CPQ: variants seen among roughly 807,000 people sequenced by gnomAD.
CPQ encodes Ser-Met dipeptidase.
CPQ carries 37 observed loss-of-function variants against 45.7 expected under a neutral mutation model. That is an observed-to-expected ratio of 0.81 (90% confidence interval 0.62 to 1.07). CPQ has a LOEUF of 1.07. Ranked by LOEUF, CPQ falls within the 50% of genes least tolerant of loss-of-function variation. The pLI, the probability that CPQ is intolerant of heterozygous loss-of-function variation, is 0.00. For synonymous variants in CPQ, 186 were observed against 205.8 expected (o/e 0.90, Z 0.82); for missense variants, 537 against 572.9 (o/e 0.94, Z 0.64).
At chr8:96,682,920 G>C (rs1809170169) in intron 1 of CPQ, among the ~76,000 whole-genome samples, 1 of 152,076 alleles carries the variant, frequency 6.6e-6, no homozygotes, top group African/African-American at 2.4e-5. Context: ...TTTAAGTGAA[G>C]ACTTTAATCT....
Position 96,972,254 on chromosome 8 carries a change from C to A in CPQ, c.961+6208C>A, listed in dbSNP as rs1321955340. 5.9e-5 allele frequency among the ~76,000 whole-genome samples: 9 copies of A among 152,258 alleles called. No homozygotes were observed. The South Asian group carries it at 1.9e-3, about 32-fold the overall frequency. ...TGCCAGCTTTCCTCCACCTCCCTGG[C>A]AACTTGTATGACTCAGTAGAGACAG... On this transcript the variant is annotated intron_variant, in intron 5 of 7. Transcript: ENST00000220763.
chr8:97,123,803 A>C (rs1442549473), intron 7 of CPQ, among the ~76,000 whole-genome samples: 1 of 152,200 alleles, frequency 6.6e-6, no homozygotes, highest in Non-Finnish European at 1.5e-5. Context: ...GCTAGGTTAG[A>C]TATAAATGGA....
intron 1 of CPQ, among the ~76,000 whole-genome samples, chr8:96,712,552 C>A (rs558189507): frequency 6.6e-6 from 1 of 152,372 alleles, no homozygotes; most frequent in African/African-American, 2.4e-5. Flanking sequence ...GCAGGCCCAA[C>A]ACCACATGTA....
At chr8:97,106,145 G>T (rs1811400418) in intron 7 of CPQ, among the ~76,000 whole-genome samples, 1 of 152,184 alleles carries the variant, frequency 6.6e-6, no homozygotes, top group South Asian at 2.1e-4. Flanking sequence ...TGTGCAGGAT[G>T]GATTGTTTGT....
intron 2 of CPQ, among the ~76,000 whole-genome samples, chr8:96,833,161 A>C (rs980420694): frequency 6.6e-6 from 1 of 152,122 alleles, no homozygotes; most frequent in African/African-American, 2.4e-5. Context: ...TTTCAGAAAA[A>C]CAGATTAATT....
intron 4 of CPQ, among the ~76,000 whole-genome samples, chr8:96,940,750 G>A (rs1022114951): frequency 6.6e-6 from 1 of 152,186 alleles, no homozygotes; most frequent in Non-Finnish European, 1.5e-5. Context: ...TGTAGGAAGA[G>A]CTACATGGAG....
chr8:96,654,124 T>G (rs1205621143), intron 1 of CPQ, among the ~76,000 whole-genome samples: 2 of 152,190 alleles, frequency 1.3e-5, no homozygotes, highest in Non-Finnish European at 2.9e-5. Flanking sequence ...TACTTTTATA[T>G]CCTCCTCATC....
chr8:96,717,835 G>C (rs1310312025), intron 1 of CPQ, among the ~76,000 whole-genome samples: 1 of 152,142 alleles, frequency 6.6e-6, no homozygotes, highest in African/African-American at 2.4e-5. Context: ...CTAGCTGCTG[G>C]GGTAATGTTC....
At chr8:97,056,107 C>CAT (rs1264584453) in intron 6 of CPQ, among the ~76,000 whole-genome samples, 3 of 151,680 alleles carry the variant, frequency 2.0e-5, no homozygotes, top group African/African-American at 7.3e-5. Flanking sequence ...TCAAAACACA[C>CAT]ACACACACAC....
chr8:97,140,342 C>T (rs1812137894), intron 7 of CPQ, among the ~76,000 whole-genome samples: 1 of 150,154 alleles, frequency 6.7e-6, no homozygotes, highest in Non-Finnish European at 1.5e-5. Context: ...TAATTCTAAT[C>T]TTACACAAAC....
intron 3 of CPQ, among the ~76,000 whole-genome samples, chr8:96,865,041 A>C (rs748574382): frequency 5.3e-5 from 8 of 152,070 alleles, no homozygotes; most frequent in Admixed American, 1.3e-4. Context: ...ATGCTTAATA[A>C]ATTCTAAGTG....
chr8:96,839,436 C>G (rs1028047212), intron 3 of CPQ, among the ~76,000 whole-genome samples: 4 of 152,078 alleles, frequency 2.6e-5, no homozygotes, highest in Non-Finnish European at 1.5e-5. Context: ...GAGACCCCCC[C>G]ATTAGAGCTT....
At chr8:96,964,408 C>T (rs1813520352) in intron 4 of CPQ, among the ~76,000 whole-genome samples, 1 of 151,992 alleles carries the variant, frequency 6.6e-6, no homozygotes, top group Non-Finnish European at 1.5e-5. Context: ...CCATCTGGTT[C>T]AATATGTATT....
At chr8:96,996,328 G>A (rs1166476223) in intron 5 of CPQ, among the ~76,000 whole-genome samples, 3 of 151,926 alleles carry the variant, frequency 2.0e-5, no homozygotes, top group Non-Finnish European at 2.9e-5. Context: ...GTGGCTAGAG[G>A]CTTTTTAAAA....
At chr8:96,967,183 A>G (rs1813580864) in intron 5 of CPQ, among the ~76,000 whole-genome samples, 2 of 152,206 alleles carry the variant, frequency 1.3e-5, no homozygotes, top group Admixed American at 1.3e-4. Flanking sequence ...AAAGCAGGAA[A>G]AAGTCGAACA....
At chr8:96,878,691 T>G (rs985473594) in intron 3 of CPQ, among the ~76,000 whole-genome samples, 6 of 152,188 alleles carry the variant, frequency 3.9e-5, no homozygotes, top group African/African-American at 1.2e-4. Context: ...TAAGAATGCA[T>G]CATTGTGTTT....
intron 1 of CPQ, among the ~76,000 whole-genome samples, chr8:96,666,452 T>A (rs879897271): frequency 1.3e-5 from 2 of 152,216 alleles, no homozygotes; most frequent in Non-Finnish European, 2.9e-5. Context: ...CTGATTTGCC[T>A]TACTTGAGTC....
intron 4 of CPQ, among the ~76,000 whole-genome samples, chr8:96,924,679 C>T (rs1421312464): frequency 6.6e-6 from 1 of 152,148 alleles, no homozygotes; most frequent in Non-Finnish European, 1.5e-5. Context: ...ATATTTGATT[C>T]ACCCATCTTT....
At chr8:96,686,955 T>C (rs1809237662) in intron 1 of CPQ, among the ~76,000 whole-genome samples, 1 of 152,152 alleles carries the variant, frequency 6.6e-6, no homozygotes, top group African/African-American at 2.4e-5. Context: ...ACTGAATTGA[T>C]CAAACTGGTG....
Sources: gnomAD v4.1 joint callset for allele counts (sites outside exome capture counted in the v4.1 genomes callset) on GRCh38, gnomAD v4.1.1 for gene constraint, MANE v1.5 for transcripts, NCBI Gene and HGNC (gene_info 2026-07-23, HGNC 2026-07-21) for gene names.